The following KLC2 variants were observed in gnomAD, a reference collection of about 807,000 sequenced individuals.
KLC2 encodes the protein kinesin light chain 2.
KLC2 carries 35 observed loss-of-function variants against 75.1 expected under a neutral mutation model. The observed-to-expected ratio is 0.47, with a 90% CI of 0.36 to 0.62. The LOEUF is 0.62. Ranked by LOEUF, KLC2 falls within the 20% of genes least tolerant of loss-of-function variation. The pLI, the probability that KLC2 is intolerant of heterozygous loss-of-function variation, is 0.00. For missense variants in KLC2, 611 were observed against 833.2 expected (o/e 0.73, Z 3.28); for synonymous variants, 314 against 336.7 (o/e 0.93, Z 0.74).
At chr11:66,253,418 G>T (rs1855979386), upstream of KLC2, among the ~76,000 whole-genome samples, 1 of 152,226 alleles carries the variant, frequency 6.6e-6, no homozygotes. Flanking sequence ...CTAAAGGGAT[G>T]CAGTAGGAGA....
the KLC2 span, among the ~76,000 whole-genome samples, chr11:66,250,319 T>C: frequency 6.6e-6 from 1 of 152,248 alleles, no homozygotes; most frequent in South Asian, 2.1e-4. Context: ...CACCCTGGCA[T>C]GCGGCGGACC....
At chr11:66,258,446 C>T in intron 1 of KLC2, 138 bp from the exon 2 acceptor site, 1 of 618,728 alleles carries the variant, frequency 1.6e-6, no homozygotes, top group Non-Finnish European at 2.8e-6. Context: ...AGCGCGGGCA[C>T]GGTGCGGGCT....
chr11:66,264,121 G>A lies in KLC2; in HGVS notation c.1018G>A (p.Ala340Thr), dbSNP rs1406589651. 6.2e-7 allele frequency: 1 copy of A among 1,600,282 alleles called. No individual in the cohort carries two copies. The highest frequency in any genetic ancestry group is 1.1e-5 in the South Asian group (1 of 89,556). ...CCTGCTGTGCCAGAACCAGGGCAAA[G>A]CTGAGGAGGTGGAATATTACTATCG... The part of the protein sequence containing the change: ...LALLCQNQGK[A>T]EEVEYYYRRA... Residue 340 changes from alanine to threonine, a missense_variant, in exon 8 of 16, where the codon GCT (alanine) becomes ACT (threonine). By Grantham distance (58) the Ala-to-Thr change is moderately conservative (BLOSUM62 0). Transcript: ENST00000394067.
chr11:66,254,565 T>C (rs965312820), upstream of KLC2, among the ~76,000 whole-genome samples: 2 of 150,092 alleles, frequency 1.3e-5, no homozygotes, highest in Non-Finnish European at 2.9e-5. Context: ...CTCAAGAGGC[T>C]GAGGCGGGAG....
In KLC2 at chr11:66,266,207, C is replaced by G. The variant is rs373545778; in HGVS notation, c.1717C>G (p.Pro573Ala). 2.5e-6 allele frequency: 4 copies of G among 1,606,054 alleles called. No individual in the cohort carries two copies. In the South Asian group the frequency reaches 4.4e-5, roughly 18 times the overall value. Residue 573 changes from proline to alanine, a missense_variant, in exon 14 of 16, where the codon CCT (proline) becomes GCT (alanine). Physicochemically the swap from Pro to Ala is conservative, Grantham distance 27. Transcript: ENST00000394067. ...KLQGGTPQEP[P>A]NPRMKRASSL... ...GCAGGGGGGCACCCCCCAGGAGCCC[C>G]CTAACCCCAGGTGAGCCCCCCACCA...
At position 66,263,841 on chromosome 11, in the gene KLC2, C is replaced by T. The variant is rs776742972; in HGVS notation, c.841-10C>T. Reference sequence around the variant, plus strand: ...CCTGAGTCAAGAAGCTTCCGTTCTCCCACCTCCAGGTGGCTGCGACACTAA... The same window carrying T: ...CCTGAGTCAAGAAGCTTCCGTTCTCTCACCTCCAGGTGGCTGCGACACTAA... On this transcript the variant is annotated splice_polypyrimidine_tract_variant and intron_variant, in intron 6 of 15. Transcript: ENST00000394067. 5 of 1,612,916 alleles carry T rather than the reference C, an allele frequency of 3.1e-6. No individual in the cohort carries two copies. In the Admixed American group the frequency reaches 6.7e-5, roughly 21 times the overall value.
chr11:66,262,580 C>T (rs1223956636), intron 4 of KLC2: 6 of 584,266 alleles, frequency 1.0e-5, no homozygotes, highest in African/African-American at 3.7e-5. Flanking sequence ...GGGACACAGG[C>T]TCAGAGGTTA....
At position 66,267,523 on chromosome 11, in the gene KLC2, CG is replaced by C; in HGVS notation, c.*568del. On this transcript the variant is annotated 3_prime_UTR_variant, in exon 16 of 16. Coordinates refer to ENST00000394067, the MANE Select transcript of KLC2 (RefSeq NM_001318734.2). ...CCAAGGGGGTCCTGGGACCTTCTCG[CG>C]CTCCTCCTGGCCTCTGAGGGATGCG... 1.5e-6 allele frequency: 1 copy of C among 668,578 alleles called. No individual in the cohort carries two copies. Among genetic ancestry groups the C allele is most frequent in the South Asian group, 1.7e-5 (1 of 60,600 alleles). 41.4% of individuals were successfully genotyped at this position (668,578 alleles called of 1,614,324 possible).
At chr11:66,263,527 G>T in intron 5 of KLC2, 133 bp from the exon 6 acceptor site, 1 of 645,262 alleles carries the variant, frequency 1.5e-6, no homozygotes, top group East Asian at 2.7e-5. Flanking sequence ...GAGCTGAGCA[G>T]GTCTCCCCAC....
upstream of KLC2, among the ~76,000 whole-genome samples, chr11:66,254,347 G>A (rs965179812): frequency 1.3e-4 from 19 of 151,564 alleles, no homozygotes; most frequent in African/African-American, 4.6e-4. Flanking sequence ...AGGGCGCACA[G>A]CACAGGCACC....
Position 66,262,828 on chromosome 11 carries a change from G to A in KLC2, c.544G>A (p.Gly182Arg). The A allele has an allele frequency of 1.2e-6, 2 of 1,611,818 alleles. No individual in the cohort carries two copies. Among genetic ancestry groups the A allele is most frequent in the Non-Finnish European group, 1.7e-6 (2 of 1,179,306 alleles). ...DEQSPAPSPG[G>R]GDVSGQHGGY... is the part of the protein sequence containing the mutation. ...TGGCCCTGCAGCCCCTAGCCCAGGA[G>A]GAGGGGATGTGTCTGGTCAGCATGG... The change falls in exon 5 of 16, where the codon GGA becomes AGA. Residue 182 changes from glycine (G) to arginine (R), a missense_variant. Physicochemically the swap from Gly to Arg is moderately radical, Grantham distance 125. Coordinates refer to ENST00000394067, the MANE Select transcript of KLC2 (RefSeq NM_001318734.2).
At position 66,266,940 on chromosome 11, in the gene KLC2, G is replaced by A. The variant is rs199891834; in HGVS notation, c.1853G>A (p.Ser618Asn). 57 of 1,612,820 alleles carry A rather than the reference G, an allele frequency of 3.5e-5. No homozygotes were observed. Among genetic ancestry groups the A allele is most frequent in the Non-Finnish European group, 4.6e-5 (54 of 1,180,008 alleles). Residue 618 changes from serine (S) to asparagine (N), a missense_variant, in exon 16 of 16, where the codon AGC becomes AAC. Physicochemically the swap from Ser to Asn is conservative, Grantham distance 46. Transcript: ENST00000394067. Reference sequence around the variant, plus strand: ...AGCTCCATGGACCTCTCCCGACGAAGCTCCCTGGTGGGCTAATGCTGAAGG... The same window carrying A: ...AGCTCCATGGACCTCTCCCGACGAAACTCCCTGGTGGGCTAATGCTGAAGG... ...SSSSMDLSRR[S>N]SLVG
At chr11:66,264,719 C>T in intron 9 of KLC2, 2 of 583,786 alleles carry the variant, frequency 3.4e-6, no homozygotes, top group South Asian at 2.0e-5. Context: ...GGGCCTGCCC[C>T]AGTGTCTCCC....
chr11:66,265,339 A>G, intron 11 of KLC2, 104 bp downstream of exon 11: 1 of 1,010,640 alleles, frequency 9.9e-7, no homozygotes, highest in Non-Finnish European at 1.5e-6. Context: ...TCATCTGGCA[A>G]GGCCCAACTC....
chr11:66,245,730 A>T, the KLC2 span, among the ~76,000 whole-genome samples: 223 of 151,120 alleles, frequency 1.5e-3, no homozygotes, highest in African/African-American at 4.7e-3. Flanking sequence ...AAAAAAAAAA[A>T]TTTTTGCCGG....
chr11:66,264,790 C>A, intron 9 of KLC2: 1 of 589,356 alleles, frequency 1.7e-6, no homozygotes, highest in East Asian at 2.8e-5. Flanking sequence ...TCCCTCGGAG[C>A]CTGGCCCATC....
chr11:66,258,451 C>A, intron 1 of KLC2, 133 bp from the exon 2 acceptor site: 1 of 626,892 alleles, frequency 1.6e-6, no homozygotes, highest in Non-Finnish European at 2.8e-6. Context: ...GGGCACGGTG[C>A]GGGCTGCCGG....
chr11:66,261,572 G>A (rs1472136111), intron 2 of KLC2, 170 bp from the exon 3 acceptor site: 4 of 590,090 alleles, frequency 6.8e-6, no homozygotes, highest in East Asian at 2.8e-5. Context: ...ATGGTGTGTC[G>A]GGGGCCTTGA....
Position 66,265,958 on chromosome 11 carries a change from G to T in KLC2, c.1548G>T (p.Gly516=). The T allele has an allele frequency of 1.2e-6, 2 of 1,603,428 alleles. No individual in the cohort carries two copies. The highest frequency in any genetic ancestry group is 1.7e-6 in the Non-Finnish European group (2 of 1,172,642). ...GCCGAGACATGGCTGGGGGTGCCGG[G>T]CCTCGGTCTGAGTCTGACCTCGAGG... ...RSSRDMAGGA[G]PRSESDLEDV... The change falls in exon 13 of 16, where the codon GGG becomes GGT. Residue 516 remains glycine (G), a synonymous_variant. Transcript: ENST00000394067.
Sources: allele counts gnomAD v4.1 joint callset (sites outside exome capture counted in the v4.1 genomes callset), GRCh38; gene constraint gnomAD v4.1.1; transcripts MANE v1.5; gene names NCBI Gene and HGNC (gene_info 2026-07-23, HGNC 2026-07-21).